MCTP1: variants seen among roughly 807,000 people sequenced by gnomAD.
The protein encoded by MCTP1 is multiple C2 and transmembrane domain-containing protein 1.
MCTP1 carries 69 observed loss-of-function variants against 120.6 expected under a neutral mutation model. That is an observed-to-expected ratio of 0.57 (90% confidence interval 0.47 to 0.70). The LOEUF is 0.70. MCTP1 is among the 30% of genes least tolerant of loss of function. MCTP1 has a pLI of 0.00. For synonymous variants in MCTP1, 529 were observed against 493.1 expected, an observed-to-expected ratio of 1.07 and a Z score of -0.96; for missense variants, 1,203 against 1,248.8, an observed-to-expected ratio of 0.96 and a Z score of 0.55.
chr5:94,902,295 C>T (rs940085853), intron 10 of MCTP1, among the ~76,000 whole-genome samples: 1 of 152,110 alleles, frequency 6.6e-6, no homozygotes, highest in Admixed American at 6.6e-5. Context: ...ATATAGCTCA[C>T]AAAGCAGTGG....
At chr5:95,283,115 C>A (rs1760455674) in intron 1 of MCTP1, among the ~76,000 whole-genome samples, 1 of 152,216 alleles carries the variant, frequency 6.6e-6, no homozygotes, top group Admixed American at 6.5e-5. Flanking sequence ...CAGTGGGACA[C>A]ATTGTGGGTC....
At chr5:94,766,190 T>G (rs867142823) in intron 19 of MCTP1, among the ~76,000 whole-genome samples, 2 of 152,186 alleles carry the variant, frequency 1.3e-5, no homozygotes, top group African/African-American at 4.8e-5. Context: ...GAGGTTGCAG[T>G]GAGCTGAGAT....
At chr5:94,894,318 A>G (rs1439696178) in intron 11 of MCTP1, among the ~76,000 whole-genome samples, 1 of 152,232 alleles carries the variant, frequency 6.6e-6, no homozygotes, top group Non-Finnish European at 1.5e-5. Flanking sequence ...GCAGCTACAA[A>G]GAATCAATAA....
intron 19 of MCTP1, among the ~76,000 whole-genome samples, chr5:94,767,367 C>T (rs181181056): frequency 6.6e-6 from 1 of 152,128 alleles, no homozygotes; most frequent in East Asian, 1.9e-4. Flanking sequence ...GACAATGATG[C>T]CCCTGTTCAC....
chr5:95,129,239 T>C (rs1241533325), intron 1 of MCTP1, among the ~76,000 whole-genome samples: 1 of 152,186 alleles, frequency 6.6e-6, no homozygotes, highest in Admixed American at 6.5e-5. Flanking sequence ...ATCAAGTTAT[T>C]GTATTTTTAT....
chr5:95,077,512 G>T (rs945168186), intron 1 of MCTP1, among the ~76,000 whole-genome samples: 1 of 150,826 alleles, frequency 6.6e-6, no homozygotes, highest in Non-Finnish European at 1.5e-5. Context: ...CCACTCTGTC[G>T]CCCAGGCTGG....
intron 1 of MCTP1, among the ~76,000 whole-genome samples, chr5:95,241,831 C>T (rs1451895024): frequency 6.6e-6 from 1 of 152,144 alleles, no homozygotes; most frequent in Admixed American, 6.5e-5. Flanking sequence ...AGTCACTTCC[C>T]CTTCTGGGGG....
intron 19 of MCTP1, among the ~76,000 whole-genome samples, chr5:94,763,981 C>A (rs929432875): frequency 3.3e-5 from 5 of 152,176 alleles, no homozygotes; most frequent in Non-Finnish European, 7.3e-5. Context: ...CCCCCAAAAT[C>A]ATAGAGGCTT....
chr5:94,749,606 C>T (rs1767750383), intron 19 of MCTP1, among the ~76,000 whole-genome samples: 1 of 118,526 alleles, frequency 8.4e-6, no homozygotes, highest in African/African-American at 3.2e-5. Flanking sequence ...AGTAAGCTGA[C>T]ATCGTGCCAC....
intron 1 of MCTP1, among the ~76,000 whole-genome samples, chr5:95,219,391 A>G (rs1753424057): frequency 6.6e-6 from 1 of 152,012 alleles, no homozygotes; most frequent in Admixed American, 6.6e-5. Flanking sequence ...CAAAAAAAAA[A>G]AAAAAAAATC....
intron 1 of MCTP1, among the ~76,000 whole-genome samples, chr5:95,275,139 A>T (rs1043788434): frequency 6.6e-6 from 1 of 152,170 alleles, no homozygotes; most frequent in African/African-American, 2.4e-5. Context: ...GGGGAAGGGG[A>T]AGTGGGGAGA....
At chr5:94,996,291 T>C (rs919426253) in intron 2 of MCTP1, among the ~76,000 whole-genome samples, 1 of 152,234 alleles carries the variant, frequency 6.6e-6, no homozygotes, top group Non-Finnish European at 1.5e-5. Flanking sequence ...ACCGTGTGGA[T>C]GTAAACTTGA....
At chr5:95,255,639 G>GTTAA (rs1757808824) in intron 1 of MCTP1, among the ~76,000 whole-genome samples, 2 of 152,100 alleles carry the variant, frequency 1.3e-5, no homozygotes, top group Admixed American at 1.3e-4. Context: ...AAGGGCTGAT[G>GTTAA]TTAACCCTTT....
At chr5:95,066,080 G>C (rs1750593911) in intron 1 of MCTP1, among the ~76,000 whole-genome samples, 1 of 152,102 alleles carries the variant, frequency 6.6e-6, no homozygotes, top group Non-Finnish European at 1.5e-5. Flanking sequence ...CTACTGAACG[G>C]GAGAAAATGT....
intron 1 of MCTP1, among the ~76,000 whole-genome samples, chr5:95,116,700 C>T (rs1009388207): frequency 2.6e-5 from 4 of 152,020 alleles, no homozygotes; most frequent in Non-Finnish European, 5.9e-5. Context: ...TTTGTGTCCT[C>T]TCTGGTTTTC....
intron 10 of MCTP1, among the ~76,000 whole-genome samples, chr5:94,896,861 G>A (rs931558744): frequency 1.3e-5 from 2 of 152,074 alleles, no homozygotes; most frequent in Non-Finnish European, 1.5e-5. Context: ...TTACCAATGA[G>A]AAAACTGAGG....
At chr5:94,961,122 G>A (rs1390346559) in intron 2 of MCTP1, among the ~76,000 whole-genome samples, 1 of 152,096 alleles carries the variant, frequency 6.6e-6, no homozygotes, top group African/African-American at 2.4e-5. Flanking sequence ...GTCCTTTGTA[G>A]GGACATGGAA....
intron 19 of MCTP1, among the ~76,000 whole-genome samples, chr5:94,721,850 T>G (rs558408566): frequency 0.012 from 1,827 of 150,924 alleles, 21 homozygotes; most frequent in Non-Finnish European, 0.019. Context: ...TTTTGTTTTT[T>G]TTTTTTTAAT....
At chr5:95,262,383 A>C (rs923436442) in intron 1 of MCTP1, among the ~76,000 whole-genome samples, 4 of 152,066 alleles carry the variant, frequency 2.6e-5, no homozygotes, top group Admixed American at 6.6e-5. Flanking sequence ...TAAGGTAAAC[A>C]CTCTGTAAAC....
Sources: allele counts gnomAD v4.1 joint callset (sites outside exome capture counted in the v4.1 genomes callset), GRCh38; gene constraint gnomAD v4.1.1; transcripts MANE v1.5; gene names NCBI Gene and HGNC (gene_info 2026-07-23, HGNC 2026-07-21).